Variants in PPRC1 observed in about 807,000 individuals in gnomAD.
The protein encoded by PPRC1 is PPARG related coactivator 1.
A neutral mutation model predicts 132.5 loss-of-function variants in PPRC1; 23 were observed. That is an observed-to-expected ratio of 0.17 (90% CI 0.12 to 0.25). The LOEUF is 0.25. PPRC1 is among the 10% of genes least tolerant of loss of function. The pLI is 1.00. For missense variants in PPRC1, 2,006 were observed against 2,089.1 expected (o/e 0.96, Z 0.78); for synonymous variants, 872 against 833.5 (o/e 1.05, Z -0.80).
upstream of PPRC1, among the ~76,000 whole-genome samples, chr10:102,131,855 G>C (rs1433489798): frequency 6.6e-6 from 1 of 152,110 alleles, no homozygotes; most frequent in African/African-American, 2.4e-5. Context: ...GTGGGGTTTT[G>C]CCATGTTGTC....
chr10:102,145,871 A>T (rs921447862), intron 8 of PPRC1, among the ~76,000 whole-genome samples: 16 of 151,898 alleles, frequency 1.1e-4, no homozygotes, highest in African/African-American at 3.9e-4. Context: ...TCTTTAAAAA[A>T]AACAAACAAC....
At chr10:102,144,397 C>G in intron 7 of PPRC1, 90 bp downstream of exon 7, 1 of 1,263,316 alleles carries the variant, frequency 7.9e-7, no homozygotes, top group Non-Finnish European at 1.1e-6. Context: ...GCCTCTGTTG[C>G]AGGGACGCTG....
rs916317520 is a variant in PPRC1, at chr10:102,141,122, C to T, written c.2614C>T (p.Pro872Ser). The part of the protein sequence containing the change: ...VQSVSPAVPT[P>S]PSMSAALPFP... The stretch of plus-strand genomic sequence containing the variant: ...GTCTGTGTCCCCTGCTGTGCCCACA[C>T]CTCCCTCGATGTCTGCTGCCCTGCC... The change falls in exon 5 of 14, where the codon CCT becomes TCT. Residue 872 changes from proline (P) to serine (S), a missense_variant. Coordinates refer to ENST00000278070, the MANE Select transcript of PPRC1 (RefSeq NM_015062.5). 1 of 1,614,042 alleles carries T rather than the reference C, an allele frequency of 6.2e-7. No homozygotes were observed. The highest frequency in any genetic ancestry group is 1.7e-5 in the Admixed American group (1 of 60,014).
Position 102,148,853 on chromosome 10 carries a change from G to T in PPRC1, c.4654G>T (p.Gly1552Cys), listed in dbSNP as rs1272873330. The T allele has an allele frequency of 2.5e-6, 4 of 1,614,126 alleles. No homozygotes were observed. The South Asian group carries it at 4.4e-5, about 18-fold the overall frequency. Reference sequence around the variant, plus strand: ...GGTGGTCTTCATTGGAAAGATACCTGGCCGCATGACTCGATCAGAGCTGAA... The same window carrying T: ...GGTGGTCTTCATTGGAAAGATACCTTGCCGCATGACTCGATCAGAGCTGAA... ...RRVVFIGKIP[G>C]RMTRSELKQR... The change falls in exon 12 of 14, where the codon GGC becomes TGC. Residue 1552 changes from glycine to cysteine, a missense_variant. Physicochemically the swap from Gly to Cys is radical, Grantham distance 159. Around this residue, in one of 2 missense-constraint regions of PPRC1, gnomAD observed 92 missense variants for 171.9 expected, o/e 0.54. Transcript: ENST00000278070. This position sits in a 1 kb window ranked among gnomAD's most constrained non-coding sequence, Gnocchi z 4.2.
chr10:102,129,635 G>A (rs747070287), upstream of PPRC1, among the ~76,000 whole-genome samples: 7 of 151,492 alleles, frequency 4.6e-5, no homozygotes, highest in East Asian at 3.9e-4. Context: ...ATGGAGTCTC[G>A]CCCCGTCGCC....
the PPRC1 span, among the ~76,000 whole-genome samples, chr10:102,126,713 C>T: frequency 1.3e-5 from 2 of 151,920 alleles, no homozygotes; most frequent in Non-Finnish European, 2.9e-5. Context: ...CCTGCCTCGG[C>T]CTCCCAAAAT....
intron 1 of PPRC1, among the ~76,000 whole-genome samples, chr10:102,135,757 G>A (rs550615723): frequency 6.6e-6 from 1 of 152,316 alleles, no homozygotes; most frequent in African/African-American, 2.4e-5. Flanking sequence ...AGGGTCTCAG[G>A]CAGTGATCAG....
chr10:102,144,757 G>C (rs2069144650), intron 7 of PPRC1: 1 of 522,618 alleles, frequency 1.9e-6, no homozygotes, highest in Non-Finnish European at 3.4e-6. Context: ...GTGTGAGCTG[G>C]GCAGGTGAGA....
At chr10:102,134,965 A>G (rs1043559334) in intron 1 of PPRC1, among the ~76,000 whole-genome samples, 2 of 152,212 alleles carry the variant, frequency 1.3e-5, no homozygotes, top group African/African-American at 2.4e-5. Flanking sequence ...AAAGATGGGT[A>G]TATGTGAGCT....
In PPRC1 at chr10:102,149,984, C is replaced by T; in HGVS notation, c.4950C>T (p.Asp1650=). ...TAAAGAGCAAATTTGATTCTCTTGA[C>T]TTTGACACATTGTTGAAACAGGCCC... The part of the protein sequence containing the change: ...APVKSKFDSL[D]FDTLLKQAQK... The change falls in exon 14 of 14, where the codon GAC becomes GAT. Residue 1650 remains aspartate (D), a synonymous_variant. Transcript: ENST00000278070. The T allele has an allele frequency of 6.2e-7, 1 of 1,613,796 alleles. No homozygotes were observed. The highest frequency in any genetic ancestry group is 1.7e-5 in the Admixed American group (1 of 60,006).
At position 102,148,857 on chromosome 10, in the gene PPRC1, G is replaced by A. The variant is rs763766248; in HGVS notation, c.4658G>A (p.Arg1553His). The A allele has an allele frequency of 8.0e-5, 129 of 1,614,002 alleles. No individual in the cohort carries two copies. The highest frequency in any genetic ancestry group is 1.2e-4 in the Admixed American group (7 of 59,990). ...RVVFIGKIPGRMTRSELKQRF... is the reference protein window; with the variant it reads ...RVVFIGKIPGHMTRSELKQRF... Reference sequence around the variant, plus strand: ...GTCTTCATTGGAAAGATACCTGGCCGCATGACTCGATCAGAGCTGAAACAG... The same window carrying A: ...GTCTTCATTGGAAAGATACCTGGCCACATGACTCGATCAGAGCTGAAACAG... The change falls in exon 12 of 14, where the codon CGC becomes CAC. Residue 1553 changes from arginine to histidine, a missense_variant. This residue lies in a region of PPRC1 where 92 missense variants were observed against 171.9 expected (regional missense o/e 0.54). Transcript: ENST00000278070. This position sits in a 1 kb window ranked among gnomAD's most constrained non-coding sequence, Gnocchi z 4.2.
upstream of PPRC1, among the ~76,000 whole-genome samples, chr10:102,128,152 T>A (rs1590302291): frequency 1.3e-5 from 2 of 152,006 alleles, no homozygotes; most frequent in African/African-American, 4.8e-5. Flanking sequence ...CTGCTTTTTT[T>A]TTTTTTGAGA....
intron 1 of PPRC1, among the ~76,000 whole-genome samples, chr10:102,134,030 G>T (rs1196535049): frequency 1.3e-5 from 2 of 152,078 alleles, no homozygotes; most frequent in Non-Finnish European, 2.9e-5. Flanking sequence ...TTGTGGAGGA[G>T]TGAGTTTGTG....
At position 102,138,611 on chromosome 10, in the gene PPRC1, T is replaced by C. The variant is rs1288038106; in HGVS notation, c.343-8T>C. 1 of 1,613,546 alleles carries C rather than the reference T, an allele frequency of 6.2e-7. No individual in the cohort carries two copies. Among genetic ancestry groups the C allele is most frequent in the African/African-American group, 1.3e-5 (1 of 74,924 alleles). On this transcript the variant is annotated splice_region_variant and splice_polypyrimidine_tract_variant and intron_variant, in intron 2 of 13. Coordinates refer to ENST00000278070, the MANE Select transcript of PPRC1 (RefSeq NM_015062.5). ...TGGTAGGACCTTCTGGTTGTTTTTC[T>C]GGAGCAGAGCAGGTTATCTCTGGAG...
chr10:102,123,501 T>C, the PPRC1 span, among the ~76,000 whole-genome samples: 3 of 152,190 alleles, frequency 2.0e-5, no homozygotes, highest in African/African-American at 7.2e-5. Flanking sequence ...TCCCTCTGTA[T>C]GTGTGTGGTA....
intron 8 of PPRC1, among the ~76,000 whole-genome samples, chr10:102,145,967 G>T (rs1255757068): frequency 3.3e-5 from 5 of 152,176 alleles, no homozygotes; most frequent in Non-Finnish European, 5.9e-5. Flanking sequence ...CTAAGCTGAG[G>T]CTTGAGAAAC....
chr10:102,148,496 C>G lies in PPRC1; in HGVS notation c.4525C>G (p.Arg1509Gly). Residue 1509 changes from arginine (R) to glycine (G), a missense_variant, in exon 10 of 14, where the codon CGC becomes GGC. Arg to Gly is a moderately radical substitution (Grantham distance 125). Transcript: ENST00000278070. The surrounding 1 kb of genome is among the most constrained non-coding windows in gnomAD (Gnocchi z 4.2). ...SRSRSRSPSP[R>G]RRSDRRRRYS... ...AAGCCGCTCACGATCCCCATCCCCC[C>G]GCCGGAGAAGTGACAGGAGGCGGCG... The G allele has an allele frequency of 6.2e-7, 1 of 1,613,440 alleles. No individual in the cohort carries two copies.
At chr10:102,137,704 C>G (rs534340911) in intron 1 of PPRC1, 146 bp from the exon 2 acceptor site, 2 of 693,070 alleles carry the variant, frequency 2.9e-6, no homozygotes, top group African/African-American at 3.7e-5. Flanking sequence ...GGTTGTGCTT[C>G]TCTCTGCTCT....
Position 102,147,247 on chromosome 10 carries a change from T to G in PPRC1, c.4255T>G (p.Trp1419Gly). The G allele has an allele frequency of 6.2e-7, 1 of 1,613,162 alleles. No individual in the cohort carries two copies. The highest frequency in any genetic ancestry group is 8.5e-7 in the Non-Finnish European group (1 of 1,180,022). ...GTCAGCCAGCCCCTCAAGCCAGGGC[T>G]GGCAGGGCCGCCGAGGCCGCAACAG... is the stretch of plus-strand genomic sequence containing the variant. ...CRSASPSSQG[W>G]QGRRGRNSRS... The change falls in exon 9 of 14, where the codon TGG becomes GGG. Residue 1419 changes from tryptophan (W) to glycine (G), a missense_variant. Trp to Gly is a radical substitution (Grantham distance 184). Transcript: ENST00000278070.
Sources: allele counts gnomAD v4.1 joint callset (sites outside exome capture counted in the v4.1 genomes callset), GRCh38; gene constraint gnomAD v4.1.1; regional missense constraint gnomAD v4.1.1; non-coding constraint Gnocchi (gnomAD v3.1); transcripts MANE v1.5; gene names NCBI Gene and HGNC (gene_info 2026-07-23, HGNC 2026-07-21).